Variants in MYO5C observed in about 807,000 individuals in gnomAD.
The protein encoded by MYO5C is myosin VC, also known as unconventional myosin-Vc.
Under a neutral mutation model 235.7 loss-of-function variants are expected in MYO5C, and 194 were observed. The observed-to-expected ratio is 0.82, with a 90% CI of 0.73 to 0.93. The LOEUF is 0.93. MYO5C is among the 40% of genes least tolerant of loss of function. The pLI is 0.00. For synonymous variants in MYO5C, 707 were observed against 754.8 expected (o/e 0.94, Z 1.04); for missense variants, 2,038 against 2,127.2 (o/e 0.96, Z 0.82).
intron 25 of MYO5C, among the ~76,000 whole-genome samples, chr15:52,225,974 C>T (rs1431922692): frequency 4.0e-5 from 6 of 151,476 alleles, no homozygotes; most frequent in Non-Finnish European, 7.4e-5. Context: ...CGCTTGAACC[C>T]GGGAGGCAGA....
rs148539518 is a variant in MYO5C at position 52,252,484 on chromosome 15, T to C, written c.1536+833A>G. On this transcript the variant is annotated intron_variant, in intron 12 of 40. Coordinates refer to ENST00000261839, the MANE Select transcript of MYO5C (RefSeq NM_018728.4). ...ATGGAAACCCCATCTCTACTAAAAA[T>C]ACAAAAATTGGCCGGGCGCAGTGGC... 5.6e-3 allele frequency among the ~76,000 whole-genome samples: 854 copies of C among 151,368 alleles called. 11 individuals carry two copies. Among genetic ancestry groups the C allele is most frequent in the African/African-American group, 0.02 (819 of 41,254 alleles).
chr15:52,229,629 C>T (rs1298831410), intron 24 of MYO5C, among the ~76,000 whole-genome samples: 3 of 152,092 alleles, frequency 2.0e-5, no homozygotes, highest in Non-Finnish European at 2.9e-5. Context: ...CCCCACAACA[C>T]CCCCTAAAAA....
intron 34 of MYO5C, 38 bp from the exon 35 acceptor site, chr15:52,211,922 G>A (rs963467238): frequency 6.3e-6 from 10 of 1,596,774 alleles, no homozygotes; most frequent in African/African-American, 1.3e-5. Context: ...ACAGCTGACA[G>A]GTCAGCTCTT....
intron 10 of MYO5C, 51 bp downstream of exon 10, chr15:52,260,811 G>A (rs1400268513): frequency 6.3e-7 from 1 of 1,576,940 alleles, no homozygotes; most frequent in Admixed American, 1.7e-5. Flanking sequence ...AAAACCATGC[G>A]GCTCTCAACA....
rs745784801 is a variant in MYO5C, at chr15:52,224,901, C to T, written c.3446G>A (p.Arg1149His). ...AAGATCCCTGAGGAGAATTTCTAAC[C>T]GTGTTGCTTTCTTTAGTCCTTCATA... ...FAYEGLKKAT[R>H]VLESHFQSQK... The change falls in exon 28 of 41, where the codon CGT becomes CAT. Residue 1149 changes from arginine (R) to histidine (H), a missense_variant and splice_region_variant. Transcript: ENST00000261839. 1.9e-6 allele frequency: 3 copies of T among 1,610,504 alleles called. No homozygotes were observed. Among genetic ancestry groups the T allele is most frequent in the Non-Finnish European group, 1.7e-6 (2 of 1,178,376 alleles).
chr15:52,270,534 T>C (rs2036896007), intron 7 of MYO5C, among the ~76,000 whole-genome samples: 1 of 151,786 alleles, frequency 6.6e-6, no homozygotes, highest in Non-Finnish European at 1.5e-5. Context: ...ACATATACTC[T>C]TATAAAACCA....
intron 36 of MYO5C, among the ~76,000 whole-genome samples, chr15:52,206,765 A>G (rs1263523700): frequency 6.6e-6 from 1 of 152,250 alleles, no homozygotes; most frequent in Non-Finnish European, 1.5e-5. Flanking sequence ...GTATTTTGTT[A>G]TAGTAGCCTG....
At chr15:52,209,124 T>C (rs1363467023) in intron 35 of MYO5C, among the ~76,000 whole-genome samples, 1 of 151,894 alleles carries the variant, frequency 6.6e-6, no homozygotes, top group Non-Finnish European at 1.5e-5. Flanking sequence ...ACTAGGACTG[T>C]TGGGGAGAAG....
chr15:52,295,488 C>T, intron 1 of MYO5C, 122 bp downstream of exon 1: 1 of 1,186,790 alleles, frequency 8.4e-7, no homozygotes, highest in Non-Finnish European at 1.1e-6. Context: ...CAGCGCGCGC[C>T]CGCCCGCCCT....
At chr15:52,251,108 T>C (rs1044792292) in intron 13 of MYO5C, 1 of 222,656 alleles carries the variant, frequency 4.5e-6, no homozygotes, top group African/African-American at 2.3e-5. Context: ...CACAATTTCA[T>C]ATAGAAAATA....
intron 20 of MYO5C, 143 bp downstream of exon 20, chr15:52,241,905 C>G (rs970212314): frequency 1.0e-6 from 1 of 966,752 alleles, no homozygotes; most frequent in Non-Finnish European, 1.5e-6. Context: ...GCCACAGCAC[C>G]TGGAAGAATC....
Position 52,204,942 on chromosome 15 carries a change from G to C in MYO5C, c.4743C>G (p.Phe1581Leu). 1 of 1,614,166 alleles carries C rather than the reference G, an allele frequency of 6.2e-7. No homozygotes were observed. Among genetic ancestry groups the C allele is most frequent in the Non-Finnish European group, 8.5e-7 (1 of 1,179,960 alleles). ...LVRQAVKQLF[F>L]LIGAVTLNSL... ...TGTTCAGCGTGACCGCCCCGATCAA[G>C]AAGAAGAGCTGCTTCACCGCCTGCC... is the stretch of plus-strand genomic sequence containing the variant. The change falls in exon 38 of 41, where the codon TTC (phenylalanine) becomes TTG (leucine). Residue 1581 changes from phenylalanine to leucine, a missense_variant. Transcript: ENST00000261839.
rs570438843 is a variant in MYO5C at position 52,284,054 on chromosome 15, C to T, written c.28-1162G>A. On this transcript the variant is annotated intron_variant, in intron 1 of 40. Transcript: ENST00000261839. ...CTACAATATGCATCTATTACTTTTA[C>T]AATCAGAACAATAAATATTAATCTT... is the stretch of plus-strand genomic sequence containing the variant. 4.6e-5 allele frequency among the ~76,000 whole-genome samples: 7 copies of T among 152,158 alleles called. No individual in the cohort carries two copies. In the South Asian group the frequency reaches 1.2e-3, roughly 27 times the overall value.
chr15:52,276,995 G>T, intron 4 of MYO5C: 1 of 422,044 alleles, frequency 2.4e-6, no homozygotes, highest in Middle Eastern at 3.8e-4. Flanking sequence ...GGGGTGGAGT[G>T]ACTTGACCCA....
At chr15:52,233,315 T>TAAAAAAAAAAAAAAAA (rs142248037) in intron 23 of MYO5C, among the ~76,000 whole-genome samples, 1 of 32,678 alleles carries the variant, frequency 3.1e-5, no homozygotes, top group African/African-American at 5.6e-5. Flanking sequence ...AAAAAAAAAA[T>TAAAAAAAAAAAAAAAA]AAATAAATAA....
chr15:52,279,443 G>A (rs989584805), intron 3 of MYO5C, 66 bp downstream of exon 3: 5 of 1,525,704 alleles, frequency 3.3e-6, no homozygotes, highest in Non-Finnish European at 4.5e-6. Context: ...AAAACAACCA[G>A]GAGGCTCTAG....
chr15:52,219,456 G>A (rs150450121), intron 31 of MYO5C, among the ~76,000 whole-genome samples: 1 of 152,310 alleles, frequency 6.6e-6, no homozygotes, highest in East Asian at 1.9e-4. Flanking sequence ...GTACAAAAGT[G>A]TACGCATACA....
chr15:52,242,044 T>C lies in MYO5C; in HGVS notation c.2556+4A>G, dbSNP rs749877517. On this transcript the variant is annotated splice_donor_region_variant and intron_variant, in intron 20 of 40. Transcript: ENST00000261839. ...CCCTTCCTCTAGACAGAGGTTGGCCTCACCTTTCGATACCTCCTCCTTGCC... is the reference window on the plus strand; with the variant it reads ...CCCTTCCTCTAGACAGAGGTTGGCCCCACCTTTCGATACCTCCTCCTTGCC... 6.2e-7 allele frequency: 1 copy of C among 1,607,542 alleles called. No individual in the cohort carries two copies.
chr15:52,258,114 C>A (rs2036620478), intron 10 of MYO5C, among the ~76,000 whole-genome samples: 1 of 152,136 alleles, frequency 6.6e-6, no homozygotes, highest in Admixed American at 6.5e-5. Context: ...TAGAACCTGG[C>A]AAAATGTCAA....
Sources: gnomAD v4.1 joint callset for allele counts (sites outside exome capture counted in the v4.1 genomes callset) on GRCh38, gnomAD v4.1.1 for gene constraint, MANE v1.5 for transcripts, NCBI Gene and HGNC (gene_info 2026-07-23, HGNC 2026-07-21) for gene names.